ARFGEF1: variants seen among roughly 807,000 people sequenced by gnomAD.
The protein encoded by ARFGEF1 is ARF guanine nucleotide exchange factor 1.
ARFGEF1 carries 42 observed loss-of-function variants against 231.0 expected under a neutral mutation model. That is an observed-to-expected ratio of 0.18 (90% confidence interval 0.14 to 0.24). The LOEUF (loss-of-function observed/expected upper bound fraction) is 0.24. Ranked by LOEUF, ARFGEF1 falls within the 10% of genes least tolerant of loss-of-function variation. ARFGEF1 has a pLI of 1.00. For missense variants in ARFGEF1, 1,345 were observed against 2,192.0 expected (o/e 0.61, Z 7.72); for synonymous variants, 710 against 732.3 (o/e 0.97, Z 0.49).
chr8:67,291,894 C>T lies in ARFGEF1; in HGVS notation c.869G>A (p.Ser290Asn). Residue 290 changes from serine (S) to asparagine (N), a missense_variant, in exon 6 of 39, where the codon AGT becomes AAT. By Grantham distance (46) the Ser-to-Asn change is conservative. This residue lies in a region of ARFGEF1 where 398 missense variants were observed against 463.2 expected (regional missense o/e 0.86). Coordinates refer to ENST00000262215, the MANE Select transcript of ARFGEF1 (RefSeq NM_006421.5). ...TEPENGSDISSAENEQTEADQ... is the reference protein window; with the variant it reads ...TEPENGSDISNAENEQTEADQ... The stretch of plus-strand genomic sequence containing the variant: ...AGCTTCAGTCTGTTCATTTTCTGCA[C>T]TGGAAATATCAGATCCATTTTCAGG... The T allele has an allele frequency of 6.2e-7, 1 of 1,613,906 alleles. No homozygotes were observed. The highest frequency in any genetic ancestry group is 8.5e-7 in the Non-Finnish European group (1 of 1,179,866).
chr8:67,190,800 A>T (rs1427485042), intron 5 of ARFGEF1: 1 of 1,424,512 alleles, frequency 7.0e-7, no homozygotes, highest in Admixed American at 1.7e-5. Flanking sequence ...ACTTAGAAGA[A>T]TGAGAGGTCT....
chr8:67,233,406 G>A (rs1413233991), intron 22 of ARFGEF1, among the ~76,000 whole-genome samples: 1 of 151,924 alleles, frequency 6.6e-6, no homozygotes, highest in East Asian at 1.9e-4. Context: ...TTATTGAAAA[G>A]AATCATTCAT....
At chr8:67,254,649 A>C (rs1254032561) in intron 17 of ARFGEF1, among the ~76,000 whole-genome samples, 5 of 152,166 alleles carry the variant, frequency 3.3e-5, no homozygotes, top group Admixed American at 1.3e-4. Context: ...AACATAGCAA[A>C]ATCCTGTCTC....
At chr8:67,287,686 G>A (rs1805817363) in intron 7 of ARFGEF1, among the ~76,000 whole-genome samples, 1 of 152,130 alleles carries the variant, frequency 6.6e-6, no homozygotes, top group African/African-American at 2.4e-5. Context: ...TTTGAATACT[G>A]TGCTGGTATC....
At chr8:67,176,425 T>C (rs1433988297) in intron 5 of ARFGEF1, among the ~76,000 whole-genome samples, 1 of 152,146 alleles carries the variant, frequency 6.6e-6, no homozygotes, top group Non-Finnish European at 1.5e-5. Context: ...GGTCAAGACT[T>C]CAATAAACAT....
chr8:67,245,521 T>C (rs1840077185), intron 19 of ARFGEF1, among the ~76,000 whole-genome samples: 1 of 150,438 alleles, frequency 6.6e-6, no homozygotes. Flanking sequence ...ATGCAAGCAG[T>C]GTTATCAGCT....
downstream of ARFGEF1, chr8:67,175,088 G>T (rs1831295465): frequency 1.9e-6 from 1 of 518,716 alleles, no homozygotes; most frequent in Non-Finnish European, 3.5e-6. Context: ...TGGTAAGTTT[G>T]TGAAAAGACA....
intron 6 of ARFGEF1, among the ~76,000 whole-genome samples, chr8:67,290,165 A>C (rs1805946468): frequency 6.6e-6 from 1 of 152,232 alleles, no homozygotes; most frequent in Non-Finnish European, 1.5e-5. Flanking sequence ...CTTTAGAGCC[A>C]AAATAATCAT....
chr8:67,318,513 G>C (rs1180986005), intron 1 of ARFGEF1, among the ~76,000 whole-genome samples: 1 of 152,040 alleles, frequency 6.6e-6, no homozygotes, highest in African/African-American at 2.4e-5. Context: ...AAATACAACA[G>C]TTCTTATTCA....
intron 1 of ARFGEF1, among the ~76,000 whole-genome samples, chr8:67,311,515 G>A (rs1310950979): frequency 6.9e-6 from 1 of 144,972 alleles, no homozygotes; most frequent in Non-Finnish European, 1.5e-5. Flanking sequence ...AGGGAGGTGG[G>A]GGGGGGTCAG....
chr8:67,236,368 ATATATATATATAT>A (rs1563855684), intron 22 of ARFGEF1, among the ~76,000 whole-genome samples: 444 of 26,178 alleles, frequency 0.017, 26 homozygotes, highest in African/African-American at 0.036. Flanking sequence ...AAAAAAAAAT[ATATATATATATAT>A]ATATATATAT....
intron 19 of ARFGEF1, among the ~76,000 whole-genome samples, chr8:67,242,005 C>A (rs1417319278): frequency 6.6e-6 from 1 of 152,184 alleles, no homozygotes; most frequent in Admixed American, 6.5e-5. Flanking sequence ...TGCCCACCCA[C>A]AGAGGAAGCA....
At chr8:67,214,462 A>G (rs766642205) in intron 33 of ARFGEF1, among the ~76,000 whole-genome samples, 1 of 152,244 alleles carries the variant, frequency 6.6e-6, no homozygotes, top group Non-Finnish European at 1.5e-5. Flanking sequence ...TGTTAAGCAA[A>G]AAGAAACTGC....
rs183223094 is a variant in ARFGEF1 at position 67,296,762 on chromosome 8, C to T, written c.460-152G>A. 5.6e-4 allele frequency: 322 copies of T among 573,606 alleles called. 5 individuals are homozygous for T. The East Asian group carries it at 8.9e-3, about 16-fold the overall frequency. 35.5% of individuals were successfully genotyped at this position (573,606 alleles called of 1,614,324 possible). A position where few individuals can be genotyped will look rare whatever the true frequency, so the allele number is the denominator to read the frequency against. ...AACTCCTGGACTTAAGTGATCCTCT[C>T]GCAGCAGCCTCCTGAGTAGCTGGGA... On this transcript the variant is annotated intron_variant, in intron 4 of 38. Transcript: ENST00000262215.
At chr8:67,270,714 T>C (rs887974250) in intron 10 of ARFGEF1, among the ~76,000 whole-genome samples, 1 of 127,626 alleles carries the variant, frequency 7.8e-6, no homozygotes, top group Non-Finnish European at 1.7e-5. Flanking sequence ...TGGTACACCT[T>C]AAAAAAAAAA....
chr8:67,249,612 T>C (rs1409671837), intron 19 of ARFGEF1, among the ~76,000 whole-genome samples: 1 of 149,664 alleles, frequency 6.7e-6, no homozygotes, highest in Non-Finnish European at 1.5e-5. Context: ...GAGAGGGTGA[T>C]ATTTATTTTT....
chr8:67,210,495 C>A (rs1433591977), intron 34 of ARFGEF1, among the ~76,000 whole-genome samples: 1 of 151,678 alleles, frequency 6.6e-6, no homozygotes, highest in African/African-American at 2.4e-5. Flanking sequence ...CCAAAAACAA[C>A]AACAAAAACA....
At chr8:67,300,380 A>G (rs531477321) in intron 3 of ARFGEF1, among the ~76,000 whole-genome samples, 13 of 152,350 alleles carry the variant, frequency 8.5e-5, no homozygotes, top group African/African-American at 1.7e-4. Flanking sequence ...TACAAATATA[A>G]TATCTATGAA....
chr8:67,315,702 G>C (rs1356225867), intron 1 of ARFGEF1, among the ~76,000 whole-genome samples: 2 of 152,042 alleles, frequency 1.3e-5, no homozygotes, highest in Non-Finnish European at 2.9e-5. Flanking sequence ...CAAACACTTG[G>C]AAATTAAACA....
Sources: allele counts gnomAD v4.1 joint callset (sites outside exome capture counted in the v4.1 genomes callset), GRCh38; gene constraint gnomAD v4.1.1; regional missense constraint gnomAD v4.1.1; transcripts MANE v1.5; gene names NCBI Gene and HGNC (gene_info 2026-07-23, HGNC 2026-07-21).